MTMR6: variants seen among roughly 807,000 people sequenced by gnomAD.
MTMR6 encodes the protein phosphatidylinositol-3,5-bisphosphate 3-phosphatase MTMR6.
A neutral mutation model predicts 80.1 loss-of-function variants in MTMR6; 47 were observed. The observed-to-expected ratio is 0.59, with a 90% CI of 0.46 to 0.75. The LOEUF (loss-of-function observed/expected upper bound fraction) is 0.75. Ranked by LOEUF, MTMR6 falls within the 30% of genes least tolerant of loss-of-function variation. The pLI is 0.00. For missense variants in MTMR6, 629 were observed against 730.9 expected (o/e 0.86, Z 1.61); for synonymous variants, 254 against 253.0 (o/e 1.00, Z -0.04).
chr13:25,252,076 GAAGCAGATTTA>G (rs1957101582), intron 11 of MTMR6, 92 bp from the exon 12 acceptor site: 2 of 1,395,538 alleles, frequency 1.4e-6, no homozygotes, highest in African/African-American at 1.5e-5. Flanking sequence ...GATGGCTTCC[GAAGCAGATTTA>G]AATTTTAGTT....
At chr13:25,250,905 G>A (rs909878450) in intron 13 of MTMR6, among the ~76,000 whole-genome samples, 1 of 152,124 alleles carries the variant, frequency 6.6e-6, no homozygotes, top group Non-Finnish European at 1.5e-5. Context: ...TCAATACACA[G>A]TAAAAATATT....
chr13:25,285,173 C>G (rs1230252921), intron 1 of MTMR6, among the ~76,000 whole-genome samples: 1 of 152,062 alleles, frequency 6.6e-6, no homozygotes, highest in African/African-American at 2.4e-5. Flanking sequence ...TGAAAGTCAC[C>G]AGTGACAACT....
In MTMR6 at chr13:25,259,823, TAA is replaced by T. The variant is rs911971333; in HGVS notation, c.727-1133_727-1132del. Reference sequence around the variant, plus strand: ...TATCACCAACACTCTCAACTCCTAATAAAGTCTTTTATTTTTAATAAAAGATT... The same window carrying T: ...TATCACCAACACTCTCAACTCCTAATAGTCTTTTATTTTTAATAAAAGATT... On this transcript the variant is annotated intron_variant, in intron 6 of 13. Coordinates refer to ENST00000381801, the MANE Select transcript of MTMR6 (RefSeq NM_004685.5). 1.4e-4 allele frequency among the ~76,000 whole-genome samples: 22 copies of T among 152,130 alleles called. No individual in the cohort carries two copies. The South Asian group carries it at 1.4e-3, about 10-fold the overall frequency.
intron 1 of MTMR6, among the ~76,000 whole-genome samples, chr13:25,280,206 G>A (rs1957815150): frequency 6.6e-6 from 1 of 152,194 alleles, no homozygotes; most frequent in Non-Finnish European, 1.5e-5. Flanking sequence ...ATGTCTGAAA[G>A]GAATGTCTTT....
At chr13:25,283,802 A>G (rs1441377263) in intron 1 of MTMR6, among the ~76,000 whole-genome samples, 1 of 152,220 alleles carries the variant, frequency 6.6e-6, no homozygotes, top group Non-Finnish European at 1.5e-5. Flanking sequence ...CAGGGAAAGG[A>G]GAAAGACTGC....
rs1463743462 is a variant in MTMR6 at position 25,265,919 on chromosome 13, T to TA, written c.490dup (p.Tyr164LeufsTer14). The TA allele has an allele frequency of 6.2e-7, 1 of 1,614,046 alleles. No homozygotes were observed. The highest frequency in any genetic ancestry group is 8.5e-7 in the Non-Finnish European group (1 of 1,179,920). On this transcript the variant is annotated frameshift_variant, in exon 5 of 14. Transcript: ENST00000381801. LOFTEE classifies it high-confidence loss of function. ...TGGTTTGCTTGCTATCCGGGGAACA[T>TA]AAAGTTCTCTGGGGTAAGTTTCACA... is the stretch of plus-strand genomic sequence containing the variant.
chr13:25,272,535 T>C (rs1957602954), intron 2 of MTMR6, among the ~76,000 whole-genome samples: 1 of 152,136 alleles, frequency 6.6e-6, no homozygotes, highest in African/African-American at 2.4e-5. Context: ...ACTGAACCCA[T>C]AGCCCAGACA....
chr13:25,266,009 T>C, intron 4 of MTMR6, 62 bp from the exon 5 acceptor site: 2 of 1,599,026 alleles, frequency 1.3e-6, no homozygotes, highest in Non-Finnish European at 1.7e-6. Flanking sequence ...TTAAAAACCT[T>C]TAAACCTTAT....
Position 25,257,764 on chromosome 13 carries a change from A to G in MTMR6, c.941T>C (p.Val314Ala), listed in dbSNP as rs754789122. 1.7e-5 allele frequency: 28 copies of G among 1,613,484 alleles called. No individual in the cohort carries two copies. Among genetic ancestry groups the G allele is most frequent in the Admixed American group, 1.3e-4 (8 of 59,954 alleles). Reference sequence around the variant, plus strand: ...GGCCAAGAAGATTGCAGCATCCATAACAGCTTTGATATGGCGAAGCCATCC... The same window carrying G: ...GGCCAAGAAGATTGCAGCATCCATAGCAGCTTTGATATGGCGAAGCCATCC... ...SSGWLRHIKA[V>A]MDAAIFLAKA... The change falls in exon 8 of 14, where the codon GTT becomes GCT. Residue 314 changes from valine (V) to alanine (A), a missense_variant. Physicochemically the swap from Val to Ala is moderately conservative, Grantham distance 64 (BLOSUM62 0). Coordinates refer to ENST00000381801, the MANE Select transcript of MTMR6 (RefSeq NM_004685.5).
At chr13:25,270,424 A>G (rs1382625596) in intron 2 of MTMR6, among the ~76,000 whole-genome samples, 1 of 152,210 alleles carries the variant, frequency 6.6e-6, no homozygotes, top group Non-Finnish European at 1.5e-5. Context: ...AAAGACAACA[A>G]TAGGAGAGTA....
intron 1 of MTMR6, among the ~76,000 whole-genome samples, chr13:25,281,689 T>C (rs534311584): frequency 6.6e-6 from 1 of 152,184 alleles, no homozygotes; most frequent in African/African-American, 2.4e-5. Context: ...ACTCCTTCCC[T>C]ATAGCCAGGC....
At chr13:25,279,219 T>C (rs1039113338) in intron 1 of MTMR6, among the ~76,000 whole-genome samples, 3 of 152,142 alleles carry the variant, frequency 2.0e-5, no homozygotes, top group Admixed American at 6.5e-5. Flanking sequence ...TGGGAGGTGA[T>C]TGGATCATGG....
chr13:25,280,509 A>G (rs1957821289), intron 1 of MTMR6, among the ~76,000 whole-genome samples: 1 of 152,218 alleles, frequency 6.6e-6, no homozygotes, highest in Non-Finnish European at 1.5e-5. Flanking sequence ...AATCATTGGC[A>G]TACAAATTTC....
chr13:25,267,825 T>A lies in MTMR6; in HGVS notation c.258A>T (p.Arg86Ser). 6.2e-7 allele frequency: 1 copy of A among 1,613,958 alleles called. No homozygotes were observed. Among genetic ancestry groups the A allele is most frequent in the Non-Finnish European group, 8.5e-7 (1 of 1,179,904 alleles). Residue 86 changes from arginine to serine, a missense_variant, in exon 3 of 14, where the codon AGA (arginine) becomes AGT (serine). Arg to Ser is a moderately radical substitution (Grantham distance 110, BLOSUM62 -1). Coordinates refer to ENST00000381801, the MANE Select transcript of MTMR6 (RefSeq NM_004685.5). ...RTVHFIVPRE[R>S]DCHDIYNSLL... ...AAGAGTTGTAAATATCATGGCAATC[T>A]CTTTCTCTGGGAACAATGAAATGCA...
At chr13:25,271,263 T>C (rs549343551) in intron 2 of MTMR6, among the ~76,000 whole-genome samples, 1 of 152,208 alleles carries the variant, frequency 6.6e-6, no homozygotes, top group East Asian at 1.9e-4. Context: ...AGAGAGCTTC[T>C]CCTCCCTGAT....
chr13:25,274,943 CACACACACACACACACAT>C (rs1468477567), intron 1 of MTMR6, among the ~76,000 whole-genome samples: 596 of 46,660 alleles, frequency 0.013, 7 homozygotes, highest in African/African-American at 0.029. Flanking sequence ...TAGACAGACA[CACACACACACACACACAT>C]ACACACACAC....
chr13:25,249,496 G>T lies in MTMR6; in HGVS notation c.1606-4C>A. 6.2e-7 allele frequency: 1 copy of T among 1,605,560 alleles called. No individual in the cohort carries two copies. Among genetic ancestry groups the T allele is most frequent in the Non-Finnish European group, 8.5e-7 (1 of 1,174,562 alleles). On this transcript the variant is annotated splice_region_variant and splice_polypyrimidine_tract_variant and intron_variant, in intron 13 of 13. Coordinates refer to ENST00000381801, the MANE Select transcript of MTMR6 (RefSeq NM_004685.5). ...TATTTTTGCGTTGTTTAATTTTCTA[G>T]AACAAACACAAATTTGAAAAAATTA...
At position 25,251,402 on chromosome 13, in the gene MTMR6, T is replaced by C. The variant is rs1392281627; in HGVS notation, c.1605+247A>G. On this transcript the variant is annotated intron_variant, in intron 13 of 13. Transcript: ENST00000381801. This position sits in a 1 kb window ranked among gnomAD's most constrained non-coding sequence, Gnocchi z 4.1. ...TTAAAATCCCACAAAAGCTAGCTGGTGGGTACACAGATAGTTATTATGTTT... is the reference window on the plus strand; with the variant it reads ...TTAAAATCCCACAAAAGCTAGCTGGCGGGTACACAGATAGTTATTATGTTT... Among the ~76,000 whole-genome samples, 1 of 152,184 alleles carries C rather than the reference T, an allele frequency of 6.6e-6. No individual in the cohort carries two copies. The highest frequency in any genetic ancestry group is 1.5e-5 in the Non-Finnish European group (1 of 68,032).
At chr13:25,259,030 A>G (rs1957278106) in intron 6 of MTMR6, among the ~76,000 whole-genome samples, 1 of 152,208 alleles carries the variant, frequency 6.6e-6, no homozygotes, top group Admixed American at 6.5e-5. Flanking sequence ...TTTCTAAATG[A>G]TTCAGTTGAG....
Sources: allele counts gnomAD v4.1 joint callset (sites outside exome capture counted in the v4.1 genomes callset), GRCh38; gene constraint gnomAD v4.1.1; non-coding constraint Gnocchi (gnomAD v3.1); transcripts MANE v1.5; gene names NCBI Gene and HGNC (gene_info 2026-07-23, HGNC 2026-07-21).